MAN2B2: variants seen among roughly 807,000 people sequenced by gnomAD.
MAN2B2 encodes mannosidase alpha class 2B member 2.
Under a neutral mutation model 117.1 loss-of-function variants are expected in MAN2B2, and 106 were observed. The observed-to-expected ratio is 0.90, with a 90% confidence interval of 0.77 to 1.06. The LOEUF (loss-of-function observed/expected upper bound fraction) is 1.06, where lower values mean the gene tolerates loss of function less well. Ranked by LOEUF, MAN2B2 falls within the 50% of genes least tolerant of loss-of-function variation. The pLI, the probability that MAN2B2 is intolerant of heterozygous loss-of-function variation, is 0.00. For synonymous variants in MAN2B2, 544 were observed against 595.1 expected (o/e 0.91, Z 1.25); for missense variants, 1,326 against 1,381.4 (o/e 0.96, Z 0.64).
chr4:6,594,646 C>T lies in MAN2B2; in HGVS notation c.971C>T (p.Thr324Met), dbSNP rs148186055. Residue 324 changes from threonine to methionine, a missense_variant, in exon 7 of 19, where the codon ACG becomes ATG. Transcript: ENST00000285599. ...CTCGGTGTCTCGGTGCAGTATGCCA[C>T]GCTGGGCGACTACTTCCGTGCCCTG... is the stretch of plus-strand genomic sequence containing the variant. ...AELGVSVQYA[T>M]LGDYFRALHA... is the part of the protein sequence containing the mutation. The T allele has an allele frequency of 9.3e-5, 150 of 1,613,646 alleles. No homozygotes were observed. Among genetic ancestry groups the T allele is most frequent in the East Asian group, 2.2e-4 (10 of 44,882 alleles).
At chr4:6,600,505 T>G in intron 9 of MAN2B2, 118 bp from the exon 10 acceptor site, 1 of 1,222,766 alleles carries the variant, frequency 8.2e-7, no homozygotes, top group Non-Finnish European at 1.2e-6. Context: ...CCCCTGGGAG[T>G]TCTGGAGGGC....
chr4:6,620,831 G>A (rs1011624801), intron 18 of MAN2B2: 1 of 216,416 alleles, frequency 4.6e-6, no homozygotes, highest in Non-Finnish European at 9.1e-6. Flanking sequence ...AGACTCACCA[G>A]ATGGTCTCAG....
chr4:6,611,516 T>C (rs1007555016), intron 15 of MAN2B2, among the ~76,000 whole-genome samples: 1 of 148,814 alleles, frequency 6.7e-6, no homozygotes, highest in Non-Finnish European at 1.5e-5. Context: ...CATTTCACCA[T>C]ATGCCTCTTC....
At chr4:6,603,104 G>T (rs1276619785) in intron 10 of MAN2B2, among the ~76,000 whole-genome samples, 2 of 152,100 alleles carry the variant, frequency 1.3e-5, no homozygotes. Context: ...TTCCACCCTG[G>T]CATGTGGGAA....
At chr4:6,584,546 G>A (rs1055594420) in intron 3 of MAN2B2, among the ~76,000 whole-genome samples, 7 of 152,240 alleles carry the variant, frequency 4.6e-5, no homozygotes, top group African/African-American at 9.6e-5. Context: ...AGAGGGAAAC[G>A]TCTATAAGGT....
Position 6,619,743 on chromosome 4 carries a change from GC to G in MAN2B2, c.2815-182del, listed in dbSNP as rs1577299639. ...AGTGTCCTCATCTGTAAAGTACACG[GC>G]CAGTCCTGTCCTCGCAGATGTGCTG... is the stretch of plus-strand genomic sequence containing the variant. On this transcript the variant is annotated intron_variant, in intron 17 of 18. Transcript: ENST00000285599. 6.4e-6 allele frequency: 4 copies of G among 625,276 alleles called. No homozygotes were observed. In the East Asian group the frequency reaches 1.1e-4, roughly 17 times the overall value. 38.7% of individuals were successfully genotyped at this position (625,276 alleles called of 1,614,324 possible). A position where few individuals can be genotyped will look rare whatever the true frequency, so the allele number is the denominator to read the frequency against.
intron 4 of MAN2B2, among the ~76,000 whole-genome samples, chr4:6,587,646 C>T (rs149047395): frequency 8.3e-4 from 127 of 152,200 alleles, no homozygotes; most frequent in Non-Finnish European, 1.4e-3. Flanking sequence ...TCGATTGTGC[C>T]CTTGGGAGTC....
intron 11 of MAN2B2, among the ~76,000 whole-genome samples, chr4:6,606,684 G>A (rs1258267339): frequency 6.6e-6 from 1 of 152,226 alleles, no homozygotes; most frequent in Non-Finnish European, 1.5e-5. Flanking sequence ...CCCCACCAGG[G>A]GTAAGCCTTG....
intron 3 of MAN2B2, among the ~76,000 whole-genome samples, chr4:6,579,301 TCACCACCAC>T (rs1726299584): frequency 4.4e-4 from 7 of 15,780 alleles, no homozygotes; most frequent in Non-Finnish European, 8.4e-4. Flanking sequence ...ACCACCACCA[TCACCACCAC>T]CACCACCATC....
intron 7 of MAN2B2, among the ~76,000 whole-genome samples, chr4:6,595,480 C>G (rs966959294): frequency 3.3e-5 from 5 of 152,110 alleles, no homozygotes; most frequent in African/African-American, 9.7e-5. Flanking sequence ...ATGTAGAGGC[C>G]GGGAAGTCCA....
intron 11 of MAN2B2, among the ~76,000 whole-genome samples, chr4:6,605,911 C>CCATT (rs35778667): frequency 1.4e-3 from 216 of 150,978 alleles, no homozygotes; most frequent in African/African-American, 3.3e-3. Context: ...ACCCAACCAC[C>CCATT]CATTCATTCA....
intron 16 of MAN2B2, among the ~76,000 whole-genome samples, chr4:6,615,802 A>C (rs1047453365): frequency 6.6e-5 from 10 of 150,654 alleles, no homozygotes; most frequent in Non-Finnish European, 1.2e-4. Context: ...CCTGTCTCTA[A>C]AAAAATTTTT....
intron 8 of MAN2B2, 119 bp from the exon 9 acceptor site, chr4:6,598,079 C>T: frequency 8.9e-7 from 1 of 1,119,728 alleles, no homozygotes; most frequent in Admixed American, 2.3e-5. Context: ...GGGACTGCCC[C>T]CTTCTCCACT....
chr4:6,610,792 G>A, intron 13 of MAN2B2, 88 bp from the exon 14 acceptor site: 1 of 1,093,442 alleles, frequency 9.1e-7, no homozygotes, highest in Non-Finnish European at 1.4e-6. Flanking sequence ...TGCCTATGGG[G>A]AGCACCAGCT....
In MAN2B2 at chr4:6,587,089, T is replaced by C. The variant is rs1726663676; in HGVS notation, c.485T>C (p.Leu162Pro). 6.2e-7 allele frequency: 1 copy of C among 1,613,938 alleles called. No individual in the cohort carries two copies. The highest frequency in any genetic ancestry group is 1.3e-5 in the African/African-American group (1 of 74,936). ...PFGASATTPT[L>P]FALAGFNAHL... is the part of the protein sequence containing the mutation. The stretch of plus-strand genomic sequence containing the variant: ...GGCGCCTCTGCCACGACGCCCACCC[T>C]ATTTGCGCTGGCGGGCTTCAATGCC... Residue 162 changes from leucine to proline, a missense_variant, in exon 4 of 19, where the codon CTA (leucine) becomes CCA (proline). Transcript: ENST00000285599.
At chr4:6,596,088 C>G (rs921869647) in intron 7 of MAN2B2, among the ~76,000 whole-genome samples, 2 of 150,052 alleles carry the variant, frequency 1.3e-5, no homozygotes, top group Non-Finnish European at 3.0e-5. Context: ...GGGATATACC[C>G]GAGTCAAGTT....
chr4:6,600,101 C>A (rs1727266840), intron 9 of MAN2B2, among the ~76,000 whole-genome samples: 1 of 152,194 alleles, frequency 6.6e-6, no homozygotes, highest in Non-Finnish European at 1.5e-5. Flanking sequence ...TGTGGCCAGA[C>A]CTCACACACA....
At position 6,594,701 on chromosome 4, in the gene MAN2B2, C is replaced by T. The variant is rs139882427; in HGVS notation, c.1026C>T (p.Arg342=). Residue 342 remains arginine, a synonymous_variant, in exon 7 of 19, where the codon CGC becomes CGT. Transcript: ENST00000285599. ...LHALNVTWRV[R]DHHDFLPYST... is the part of the protein sequence containing the mutation. ...CTCTCAATGTCACCTGGCGTGTCCGCGACCACCACGACTTCCTGCCCTATT... is the reference window on the plus strand; with the variant it reads ...CTCTCAATGTCACCTGGCGTGTCCGTGACCACCACGACTTCCTGCCCTATT... 1.9e-5 allele frequency: 31 copies of T among 1,612,140 alleles called. No homozygotes were observed. Among genetic ancestry groups the T allele is most frequent in the Middle Eastern group, 1.9e-4 (1 of 5,158 alleles).
At position 6,620,063 on chromosome 4, in the gene MAN2B2, C is replaced by G; in HGVS notation, c.2932+19C>G. On this transcript the variant is annotated intron_variant, in intron 18 of 18. Coordinates refer to ENST00000285599, the MANE Select transcript of MAN2B2 (RefSeq NM_015274.3). Reference sequence around the variant, plus strand: ...CACAGAGGTTTGGGGACCCCCGCTTCAGCTCCCTACCCAGGACTCCCAGCC... The same window carrying G: ...CACAGAGGTTTGGGGACCCCCGCTTGAGCTCCCTACCCAGGACTCCCAGCC... 6.3e-7 allele frequency: 1 copy of G among 1,588,570 alleles called. No individual in the cohort carries two copies. Among genetic ancestry groups the G allele is most frequent in the Non-Finnish European group, 8.6e-7 (1 of 1,165,988 alleles).
Sources: allele counts gnomAD v4.1 joint callset (sites outside exome capture counted in the v4.1 genomes callset), GRCh38; gene constraint gnomAD v4.1.1; transcripts MANE v1.5; gene names NCBI Gene and HGNC (gene_info 2026-07-23, HGNC 2026-07-21).